The following ATP6V1H variants were observed in gnomAD, a reference collection of about 807,000 sequenced individuals.
ATP6V1H encodes the protein ATPase H+ transporting V1 subunit H.
ATP6V1H carries 39 observed loss-of-function variants against 71.7 expected under a neutral mutation model. The observed-to-expected ratio is 0.54, with a 90% confidence interval of 0.42 to 0.71. The LOEUF (loss-of-function observed/expected upper bound fraction) is 0.71. Among genes scored for constraint, ATP6V1H ranks in the 30% least tolerant of loss-of-function variants. The pLI is 0.00. For synonymous variants in ATP6V1H, 192 were observed against 199.3 expected, an observed-to-expected ratio of 0.96 and a Z score of 0.31; for missense variants, 509 against 594.9, an observed-to-expected ratio of 0.86 and a Z score of 1.50.
At chr8:53,796,608 G>T (rs939353566) in intron 8 of ATP6V1H, among the ~76,000 whole-genome samples, 1 of 151,912 alleles carries the variant, frequency 6.6e-6, no homozygotes, top group South Asian at 2.1e-4. Flanking sequence ...AGACCAAAGG[G>T]GTTAAGAGCT....
At chr8:53,781,768 GT>G (rs1259649681) in intron 9 of ATP6V1H, among the ~76,000 whole-genome samples, 3 of 152,016 alleles carry the variant, frequency 2.0e-5, no homozygotes, top group African/African-American at 7.3e-5. Flanking sequence ...TGGCTAGCCA[GT>G]TTTCCCAGCA....
At chr8:53,820,875 G>A (rs1345012147) in intron 4 of ATP6V1H, among the ~76,000 whole-genome samples, 3 of 151,704 alleles carry the variant, frequency 2.0e-5, no homozygotes, top group African/African-American at 7.3e-5. Flanking sequence ...CCACTACTCA[G>A]GAGGCTGAGG....
intron 9 of ATP6V1H, among the ~76,000 whole-genome samples, chr8:53,791,341 G>A (rs964057149): frequency 6.6e-6 from 1 of 152,160 alleles, no homozygotes; most frequent in Admixed American, 6.5e-5. Flanking sequence ...GTTAGTGTCA[G>A]GTGATAACCA....
intron 9 of ATP6V1H, among the ~76,000 whole-genome samples, chr8:53,784,143 T>A (rs1809277363): frequency 6.6e-6 from 1 of 152,224 alleles, no homozygotes. Context: ...CAGTGGGGTG[T>A]TAAAGTCTCC....
At chr8:53,749,256 C>A (rs1807709554) in intron 12 of ATP6V1H, among the ~76,000 whole-genome samples, 1 of 152,190 alleles carries the variant, frequency 6.6e-6, no homozygotes, top group Non-Finnish European at 1.5e-5. Flanking sequence ...AGAGAAGAAT[C>A]TCTTATATCA....
chr8:53,769,136 A>G (rs144971096), intron 11 of ATP6V1H, among the ~76,000 whole-genome samples: 59 of 152,282 alleles, frequency 3.9e-4, no homozygotes, highest in African/African-American at 1.4e-3. Context: ...TAAATATAAG[A>G]AGTTAAACAA....
intron 3 of ATP6V1H, among the ~76,000 whole-genome samples, chr8:53,830,663 G>A (rs575319648): frequency 6.6e-6 from 1 of 152,014 alleles, no homozygotes; most frequent in South Asian, 2.1e-4. Context: ...CCCCATAAAA[G>A]GCCCATCACA....
chr8:53,757,889 A>C (rs1260155679), intron 11 of ATP6V1H, among the ~76,000 whole-genome samples: 1 of 152,228 alleles, frequency 6.6e-6, no homozygotes, highest in African/African-American at 2.4e-5. Context: ...AGTAAAAATG[A>C]CAGGTCACAA....
chr8:53,790,487 A>C (rs1809532206), intron 9 of ATP6V1H, among the ~76,000 whole-genome samples: 1 of 152,244 alleles, frequency 6.6e-6, no homozygotes, highest in African/African-American at 2.4e-5. Flanking sequence ...AGGTTCATTT[A>C]GCACATATTT....
intron 13 of ATP6V1H, among the ~76,000 whole-genome samples, chr8:53,732,840 A>G (rs1807072497): frequency 3.3e-5 from 5 of 152,008 alleles, no homozygotes; most frequent in Admixed American, 3.3e-4. Context: ...GCAGCCCCCC[A>G]GGAACCAGGT....
At chr8:53,815,825 T>C (rs560279243) in intron 5 of ATP6V1H, among the ~76,000 whole-genome samples, 1 of 152,330 alleles carries the variant, frequency 6.6e-6, no homozygotes, top group Non-Finnish European at 1.5e-5. Flanking sequence ...GAGCATAAGC[T>C]AGCATAAGCT....
chr8:53,808,808 A>G (rs551624570), intron 7 of ATP6V1H, among the ~76,000 whole-genome samples: 86 of 152,112 alleles, frequency 5.7e-4, no homozygotes, highest in Non-Finnish European at 1.1e-3. Flanking sequence ...CTCAAAAAAA[A>G]AAAAAACAAA....
intron 13 of ATP6V1H, among the ~76,000 whole-genome samples, chr8:53,722,013 A>AT (rs1806637159): frequency 3.3e-5 from 5 of 152,268 alleles, no homozygotes; most frequent in Admixed American, 3.3e-4. Context: ...AAATTGCGTT[A>AT]AAGAGTGTAT....
At position 53,723,363 on chromosome 8, in the gene ATP6V1H, C is replaced by T. The variant is rs998178631; in HGVS notation, c.1392-7339G>A. 2.3e-4 allele frequency among the ~76,000 whole-genome samples: 35 copies of T among 152,184 alleles called. 1 individual carries two copies. The highest frequency in any genetic ancestry group is 2.2e-3 in the Admixed American group (34 of 15,278). ...TCCTCACCCCTGATCCCACCTCTCA[C>T]CATGGCTGGATTGGATCTGCAGCCT... On this transcript the variant is annotated intron_variant, in intron 13 of 13. Coordinates refer to ENST00000359530, the MANE Select transcript of ATP6V1H (RefSeq NM_015941.4).
intron 9 of ATP6V1H, among the ~76,000 whole-genome samples, chr8:53,781,176 A>G (rs1471993684): frequency 2.6e-5 from 4 of 152,076 alleles, no homozygotes; most frequent in Non-Finnish European, 4.4e-5. Flanking sequence ...AAGTGTTCCT[A>G]TTTCTCCACA....
At chr8:53,784,131 G>A (rs1477585761) in intron 9 of ATP6V1H, among the ~76,000 whole-genome samples, 1 of 152,150 alleles carries the variant, frequency 6.6e-6, no homozygotes, top group Non-Finnish European at 1.5e-5. Flanking sequence ...GTCTAATGTT[G>A]ACAGTGGGGT....
intron 13 of ATP6V1H, among the ~76,000 whole-genome samples, chr8:53,741,580 T>A (rs886822840): frequency 2.0e-5 from 3 of 152,190 alleles, no homozygotes; most frequent in Non-Finnish European, 2.9e-5. Context: ...GAAAGAGATA[T>A]AAACAAACCA....
intron 11 of ATP6V1H, among the ~76,000 whole-genome samples, chr8:53,759,991 A>T (rs1307133696): frequency 1.3e-5 from 2 of 152,246 alleles, no homozygotes; most frequent in Admixed American, 1.3e-4. Context: ...CTTATTGGGC[A>T]GCACTAGTAC....
At chr8:53,792,139 C>T (rs576595773) in intron 9 of ATP6V1H, among the ~76,000 whole-genome samples, 104 of 152,144 alleles carry the variant, frequency 6.8e-4, no homozygotes, top group Non-Finnish European at 1.1e-3. Flanking sequence ...TTTACTGTGA[C>T]AACTCATGTG....
Sources: allele counts gnomAD v4.1 joint callset (sites outside exome capture counted in the v4.1 genomes callset), GRCh38; gene constraint gnomAD v4.1.1; transcripts MANE v1.5; gene names NCBI Gene and HGNC (gene_info 2026-07-23, HGNC 2026-07-21).